Variants in DENND2B observed in about 807,000 individuals in gnomAD.
DENND2B encodes the protein DENN domain-containing protein 2B.
In DENND2B, 32 loss-of-function variants were observed where a neutral mutation model predicts 116.0. That is an observed-to-expected ratio of 0.28 (90% CI 0.21 to 0.37). DENND2B has a LOEUF of 0.37. Among genes scored for constraint, DENND2B ranks in the 10% least tolerant of loss-of-function variants. The pLI is 1.00. For missense variants in DENND2B, 1,276 were observed against 1,477.7 expected (o/e 0.86, Z 2.24); for synonymous variants, 588 against 583.9 (o/e 1.01, Z -0.10).
rs1049612687 is a variant in DENND2B, at chr11:8,714,157, T to C, written c.1943-115A>G. 12 of 1,076,994 alleles carry C rather than the reference T, an allele frequency of 1.1e-5. No homozygotes were observed. The African/African-American group carries it at 1.7e-4, about 15-fold the overall frequency. The allele number at this position is 1,076,994 out of a possible 1,614,324, so 66.7% of individuals were successfully genotyped here. On this transcript the variant is annotated intron_variant, in intron 7 of 19. Coordinates refer to ENST00000313726, the MANE Select transcript of DENND2B (RefSeq NM_213618.2). ...TGGATCTCTACCTTCTCTGGGCTAC[T>C]CTGGGCCCATGGTCAGGCATCTGCA...
intron 1 of DENND2B, among the ~76,000 whole-genome samples, chr11:8,888,093 T>A (rs1016666374): frequency 4.6e-5 from 7 of 152,182 alleles, no homozygotes; most frequent in Non-Finnish European, 1.0e-4. Flanking sequence ...ATCTGTCTGA[T>A]GTAATTATTT....
intron 1 of DENND2B, among the ~76,000 whole-genome samples, chr11:8,790,720 G>A (rs1453159951): frequency 3.9e-5 from 6 of 152,168 alleles, no homozygotes; most frequent in Non-Finnish European, 8.8e-5. Context: ...AGTGAGGTGT[G>A]ATAGCATCAC....
At chr11:8,880,345 C>CTGTG (rs56051922) in intron 2 of DENND2B, among the ~76,000 whole-genome samples, 3,046 of 120,532 alleles carry the variant, frequency 0.025, 76 homozygotes, top group African/African-American at 0.063. Flanking sequence ...TCACTTTGAA[C>CTGTG]TGTGTGTGTG....
At position 8,695,611 on chromosome 11, in the gene DENND2B, T is replaced by C. The variant is rs1565608941; in HGVS notation, c.3293-62A>G. The C allele has an allele frequency of 2.8e-6, 4 of 1,435,986 alleles. No homozygotes were observed. In the East Asian group the frequency reaches 9.1e-5, roughly 33 times the overall value. 89.0% of individuals were successfully genotyped at this position (1,435,986 alleles called of 1,614,324 possible). A position where few individuals can be genotyped will look rare whatever the true frequency, so the allele number is the denominator to read the frequency against. Reference sequence around the variant, plus strand: ...CATTGGAGGAAGGGAAGGAGAGGCCTACATGAAGGGAACCATGGAGCACAG... The same window carrying C: ...CATTGGAGGAAGGGAAGGAGAGGCCCACATGAAGGGAACCATGGAGCACAG... On this transcript the variant is annotated intron_variant, in intron 18 of 19. Transcript: ENST00000313726.
At chr11:8,802,576 C>T (rs1365174122) in intron 1 of DENND2B, among the ~76,000 whole-genome samples, 5 of 152,186 alleles carry the variant, frequency 3.3e-5, no homozygotes, top group Non-Finnish European at 7.3e-5. Flanking sequence ...AGAGCCCAGG[C>T]TCTAAACATT....
intron 1 of DENND2B, among the ~76,000 whole-genome samples, chr11:8,886,318 T>A (rs1304103310): frequency 6.6e-6 from 1 of 152,298 alleles, no homozygotes; most frequent in East Asian, 1.9e-4. Flanking sequence ...CTAAAACATA[T>A]CCTTTTTAAT....
Position 8,707,664 on chromosome 11 carries a change from G to T in DENND2B, c.2430+113C>A. 9.8e-7 allele frequency: 1 copy of T among 1,015,516 alleles called. No individual in the cohort carries two copies. The highest frequency in any genetic ancestry group is 1.5e-6 in the Non-Finnish European group (1 of 687,522). 62.9% of individuals were successfully genotyped at this position (1,015,516 alleles called of 1,614,324 possible). On this transcript the variant is annotated intron_variant, in intron 12 of 19. Coordinates refer to ENST00000313726, the MANE Select transcript of DENND2B (RefSeq NM_213618.2). This position sits in a 1 kb window ranked among gnomAD's most constrained non-coding sequence, Gnocchi z 4.8. Reference sequence around the variant, plus strand: ...TCACTGGTACTTGTTCCTGCATTCTGTCTCCCGCTCGCTCACAGTCACAGG... The same window carrying T: ...TCACTGGTACTTGTTCCTGCATTCTTTCTCCCGCTCGCTCACAGTCACAGG...
At position 8,776,355 on chromosome 11, in the gene DENND2B, C is replaced by T. The variant is rs140305690; in HGVS notation, c.-25-25630G>A. On this transcript the variant is annotated intron_variant, in intron 1 of 19. Coordinates refer to ENST00000313726, the MANE Select transcript of DENND2B (RefSeq NM_213618.2). ...AGGCCCAGGCCAAGGTCCCCTGAAG[C>T]TCAGGCTGAGAAGCCATTCAATCCA... 762 of 407,696 alleles carry T rather than the reference C, an allele frequency of 1.9e-3. 3 individuals are homozygous for T. The highest frequency in any genetic ancestry group is 2.6e-3 in the Non-Finnish European group (542 of 204,704). 25.3% of individuals were successfully genotyped at this position (407,696 alleles called of 1,614,324 possible).
At position 8,730,017 on chromosome 11, in the gene DENND2B, T is replaced by C; in HGVS notation, c.1273A>G (p.Thr425Ala). Residue 425 changes from threonine (T) to alanine (A), a missense_variant, in exon 3 of 20, where the codon ACC becomes GCC. Around this residue, in one of 2 missense-constraint regions of DENND2B, gnomAD observed 856 missense variants for 846.6 expected, o/e 1.01. Transcript: ENST00000313726. The surrounding 1 kb of genome is among the most constrained non-coding windows in gnomAD (Gnocchi z 4.1). ...TPAAPPPLPS[T>A]PAPPVTRRPK... ...CTCCGGGTGACTGGCGGGGCTGGGG[T>C]GGAGGGCAAGGGAGGTGGAGCAGCA... 1 of 1,603,858 alleles carries C rather than the reference T, an allele frequency of 6.2e-7. No homozygotes were observed. The highest frequency in any genetic ancestry group is 2.2e-5 in the East Asian group (1 of 44,848).
intron 2 of DENND2B, among the ~76,000 whole-genome samples, chr11:8,869,484 G>A (rs893785454): frequency 3.9e-5 from 6 of 151,974 alleles, no homozygotes; most frequent in Admixed American, 2.6e-4. Flanking sequence ...CCAACATGGG[G>A]AACCCCATCT....
chr11:8,870,581 G>GT (rs1180779547), intron 2 of DENND2B, among the ~76,000 whole-genome samples: 2 of 149,646 alleles, frequency 1.3e-5, no homozygotes, highest in Non-Finnish European at 3.0e-5. Flanking sequence ...ACAGCTCCAG[G>GT]TAGGAGCTCG....
intron 3 of DENND2B, among the ~76,000 whole-genome samples, chr11:8,845,694 G>T (rs2062787261): frequency 6.6e-6 from 1 of 152,192 alleles, no homozygotes; most frequent in Admixed American, 6.5e-5. Context: ...GAGTGCAACT[G>T]AATTCTCAGA....
intron 2 of DENND2B, among the ~76,000 whole-genome samples, chr11:8,858,508 A>T (rs891222854): frequency 4.4e-4 from 67 of 152,232 alleles, no homozygotes; most frequent in African/African-American, 8.4e-4. Flanking sequence ...GGAGAAGAGC[A>T]TCCTAGGAGC....
At chr11:8,802,122 G>C (rs141005355) in intron 1 of DENND2B, among the ~76,000 whole-genome samples, 1 of 151,492 alleles carries the variant, frequency 6.6e-6, no homozygotes, top group Non-Finnish European at 1.5e-5. Context: ...CTAATATGGC[G>C]AAACCCCATC....
At chr11:8,861,354 A>C (rs541590543) in intron 2 of DENND2B, among the ~76,000 whole-genome samples, 125 of 152,316 alleles carry the variant, frequency 8.2e-4, no homozygotes, top group Non-Finnish European at 1.5e-3. Context: ...CACTCCCATC[A>C]AAAACCGAGC....
intron 1 of DENND2B, chr11:8,771,527 TACAGAG>T (rs1459718897): frequency 2.6e-5 from 1 of 37,862 alleles, no homozygotes; most frequent in Admixed American, 3.6e-4. Context: ...TGTATATATA[TACAGAG>T]AGAGAGAGAG....
intron 1 of DENND2B, among the ~76,000 whole-genome samples, chr11:8,765,052 G>A (rs2055428686): frequency 6.6e-6 from 1 of 151,404 alleles, no homozygotes; most frequent in African/African-American, 2.4e-5. Context: ...AAGCCATCTA[G>A]TTCAGAAGGC....
intron 3 of DENND2B, among the ~76,000 whole-genome samples, chr11:8,853,807 G>GT (rs2134654604): frequency 6.6e-6 from 1 of 151,886 alleles, no homozygotes; most frequent in African/African-American, 2.4e-5. Flanking sequence ...GGAAAGTGAG[G>GT]TTTTTATTTT....
intron 5 of DENND2B, 115 bp downstream of exon 5, chr11:8,717,626 T>G (rs946697799): frequency 4.4e-5 from 58 of 1,307,866 alleles, no homozygotes; most frequent in Non-Finnish European, 5.6e-5. Flanking sequence ...AGACCCTTTA[T>G]CAAGTACTAG....
Sources: gnomAD v4.1 joint callset for allele counts (sites outside exome capture counted in the v4.1 genomes callset) on GRCh38, gnomAD v4.1.1 for gene constraint, gnomAD v4.1.1 regional missense constraint, Gnocchi (gnomAD v3.1) non-coding constraint, MANE v1.5 for transcripts, NCBI Gene and HGNC (gene_info 2026-07-23, HGNC 2026-07-21) for gene names.